The following ARHGEF9 variants were observed in gnomAD, a reference collection of about 807,000 sequenced individuals.
ARHGEF9 encodes the protein rho guanine nucleotide exchange factor 9.
ARHGEF9 carries 2 observed loss-of-function variants against 41.3 expected under a neutral mutation model. The observed-to-expected ratio is 0.05, with a 90% CI of 0.02 to 0.15. The LOEUF is 0.15. ARHGEF9 is among the 10% of genes least tolerant of loss of function. The probability of loss-of-function intolerance (pLI) is 1.00; values close to 1 mark genes in which losing one functional copy is unlikely to be tolerated. For synonymous variants in ARHGEF9, 160 were observed against 154.4 expected (o/e 1.04, Z -0.27); for missense variants, 225 against 424.7 (o/e 0.53, Z 4.13).
intron 3 of ARHGEF9, among the ~76,000 whole-genome samples, chrX:63,700,804 G>C (rs1389923137): frequency 9.0e-6 from 1 of 111,325 alleles, no homozygotes; most frequent in Non-Finnish European, 1.9e-5. Context: ...GGGAACAAAA[G>C]GGGTCTGTGG....
intron 1 of ARHGEF9, 122 bp from the exon 2 acceptor site, chrX:63,724,833 T>A: frequency 1.5e-6 from 1 of 684,199 alleles, no homozygotes; most frequent in Non-Finnish European, 2.3e-6. Context: ...GAGATAGGGG[T>A]GAGGGGGATG....
intron 4 of ARHGEF9, among the ~76,000 whole-genome samples, chrX:63,685,054 C>A (rs2050897143): frequency 1.8e-5 from 2 of 110,732 alleles, no homozygotes; most frequent in South Asian, 7.6e-4. Context: ...ATCTAACCTA[C>A]AGCATGGGGA....
At chrX:63,668,927 C>T (rs1281408350) in intron 6 of ARHGEF9, among the ~76,000 whole-genome samples, 2 of 112,164 alleles carry the variant, frequency 1.8e-5, no homozygotes, top group African/African-American at 6.5e-5. Context: ...CTACTGTCAC[C>T]AACCCAGGGG....
chrX:63,736,769 C>T (rs1269438686), intron 1 of ARHGEF9, among the ~76,000 whole-genome samples: 1 of 111,628 alleles, frequency 9.0e-6, no homozygotes, highest in Non-Finnish European at 1.9e-5. Context: ...CTACAGTAAC[C>T]ATTTTACTAT....
intron 4 of ARHGEF9, among the ~76,000 whole-genome samples, chrX:63,684,631 G>A (rs2050864404): frequency 9.0e-6 from 1 of 111,046 alleles, no homozygotes; most frequent in Non-Finnish European, 1.9e-5. Flanking sequence ...CAAACAAAGT[G>A]TCCATTAATG....
chrX:63,644,278 A>G (rs2047845555), intron 8 of ARHGEF9: 1 of 281,592 alleles, frequency 3.6e-6, no homozygotes, highest in South Asian at 1.2e-4. Context: ...AACACAGAAT[A>G]GAGAGCCAAA....
At chrX:63,655,450 G>A (rs782619006) in intron 8 of ARHGEF9, 44 bp downstream of exon 8, 6 of 1,207,121 alleles carry the variant, frequency 5.0e-6, no homozygotes, top group Admixed American at 2.2e-5. Flanking sequence ...AACCTCCTAT[G>A]TTCTTCATAG....
In ARHGEF9 at chrX:63,637,996, T is replaced by C. The variant is rs1556300596; in HGVS notation, c.*32A>G. 2 of 1,155,604 alleles carry C rather than the reference T, an allele frequency of 1.7e-6. No homozygotes were observed. The highest frequency in any genetic ancestry group is 2.6e-5 in the Admixed American group (1 of 38,983). On this transcript the variant is annotated 3_prime_UTR_variant, in exon 10 of 10. Transcript: ENST00000671741. ...ATCTATAAATATAATTTTATTTACTTTATTTTAAAATTATCTGCCTCCCTG... is the reference window on the plus strand; with the variant it reads ...ATCTATAAATATAATTTTATTTACTCTATTTTAAAATTATCTGCCTCCCTG...
intron 3 of ARHGEF9, among the ~76,000 whole-genome samples, chrX:63,699,209 C>CT (rs1192484930): frequency 7.2e-5 from 8 of 111,382 alleles, no homozygotes; most frequent in East Asian, 2.8e-4. Flanking sequence ...CCTTCTCCCA[C>CT]TTTTTTTTCC....
chrX:63,768,326 G>T (rs1370301067), intron 1 of ARHGEF9, among the ~76,000 whole-genome samples: 3 of 111,784 alleles, frequency 2.7e-5, no homozygotes, highest in African/African-American at 9.8e-5. Flanking sequence ...CCTTTTTATG[G>T]CTGAGTAGTA....
intron 1 of ARHGEF9, among the ~76,000 whole-genome samples, chrX:63,738,165 A>G (rs1242980811): frequency 2.7e-5 from 3 of 112,006 alleles, no homozygotes; most frequent in Non-Finnish European, 3.8e-5. Context: ...GTGAAATTCA[A>G]TGAAGTATCA....
chrX:63,646,736 C>A (rs1180549129), intron 8 of ARHGEF9, among the ~76,000 whole-genome samples: 2 of 111,771 alleles, frequency 1.8e-5, no homozygotes, highest in African/African-American at 3.2e-5. Context: ...TCCATATGAA[C>A]TTTAAAGTAG....
At chrX:63,717,826 G>A (rs1315867664) in intron 2 of ARHGEF9, among the ~76,000 whole-genome samples, 2 of 111,550 alleles carry the variant, frequency 1.8e-5, no homozygotes, top group Non-Finnish European at 3.8e-5. Context: ...ATTTAATGAT[G>A]AGATCACTGA....
At chrX:63,638,250 T>C (rs376249882) in intron 9 of ARHGEF9, 41 bp from the exon 10 acceptor site, 32 of 1,116,272 alleles carry the variant, frequency 2.9e-5, no homozygotes, top group Non-Finnish European at 3.9e-5. Flanking sequence ...GTATAAGTTA[T>C]GTAACAAAGG....
intron 1 of ARHGEF9, among the ~76,000 whole-genome samples, chrX:63,777,518 A>T (rs1413666424): frequency 9.0e-6 from 1 of 111,591 alleles, no homozygotes; most frequent in Non-Finnish European, 1.9e-5. Flanking sequence ...CAAAGTCTTA[A>T]TTCACTCCAG....
intron 6 of ARHGEF9, among the ~76,000 whole-genome samples, chrX:63,672,139 G>T (rs1403659985): frequency 9.0e-6 from 1 of 110,848 alleles, no homozygotes; most frequent in Non-Finnish European, 1.9e-5. Context: ...AGACCCCAAA[G>T]AGTTCTCTCA....
intron 2 of ARHGEF9, among the ~76,000 whole-genome samples, chrX:63,717,416 T>A (rs1354751890): frequency 6.2e-5 from 7 of 112,383 alleles, no homozygotes; most frequent in Non-Finnish European, 1.1e-4. Context: ...CATGTTCTCA[T>A]ACAAGTGGCT....
chrX:63,758,458 G>C (rs1311025813), intron 1 of ARHGEF9, among the ~76,000 whole-genome samples: 3 of 112,494 alleles, frequency 2.7e-5, no homozygotes, highest in African/African-American at 9.7e-5. Context: ...CTGTTCAAAG[G>C]CCTTCAATAG....
In ARHGEF9 at chrX:63,637,708, C is replaced by T. The variant is rs782029463; in HGVS notation, c.*320G>A. The T allele has an allele frequency of 1.2e-4, 26 of 220,236 alleles. No homozygotes were observed. The highest frequency in any genetic ancestry group is 6.7e-4 in the African/African-American group (23 of 34,578). 18.1% of individuals were successfully genotyped at this position (220,236 alleles called of 1,213,427 possible). A position where few individuals can be genotyped will look rare whatever the true frequency, so the allele number is the denominator to read the frequency against. ...GAATAGAAATGTCAACTTCTGAAAG[C>T]AAAGGGAAGGGGGACAGGGTAAAAA... On this transcript the variant is annotated 3_prime_UTR_variant, in exon 10 of 10. Transcript: ENST00000671741.
Sources: allele counts gnomAD v4.1 joint callset (sites outside exome capture counted in the v4.1 genomes callset), GRCh38; gene constraint gnomAD v4.1.1; transcripts MANE v1.5; gene names NCBI Gene and HGNC (gene_info 2026-07-23, HGNC 2026-07-21).